Variants in FLACC1 observed in about 807,000 individuals in gnomAD.
FLACC1 encodes flagellum-associated coiled-coil domain-containing protein 1.
In FLACC1, 66 loss-of-function variants were observed where a neutral mutation model predicts 62.8. That is an observed-to-expected ratio of 1.05 (90% CI 0.86 to 1.29). FLACC1 has a LOEUF of 1.29. FLACC1 is among the 50% of genes most tolerant of loss of function. FLACC1 has a pLI of 0.00. For missense variants in FLACC1, 452 were observed against 489.1 expected (o/e 0.92, Z 0.71); for synonymous variants, 156 against 161.0 (o/e 0.97, Z 0.24).
At chr2:201,318,859 C>T (rs973891327) in intron 9 of FLACC1, among the ~76,000 whole-genome samples, 2 of 152,106 alleles carry the variant, frequency 1.3e-5, no homozygotes, top group Admixed American at 6.5e-5. Context: ...AACCAAACAT[C>T]GTATGTTCTC....
At chr2:201,301,514 A>G (rs1949982661) in intron 11 of FLACC1, among the ~76,000 whole-genome samples, 1 of 152,216 alleles carries the variant, frequency 6.6e-6, no homozygotes, top group South Asian at 2.1e-4. Context: ...TCTGCAGGAT[A>G]TTATCCAGGA....
intron 11 of FLACC1, among the ~76,000 whole-genome samples, chr2:201,302,950 T>C (rs993026489): frequency 1.3e-5 from 2 of 152,342 alleles, no homozygotes; most frequent in Non-Finnish European, 2.9e-5. Flanking sequence ...GGGAAATTTA[T>C]AGCACTAAAT....
intron 9 of FLACC1, among the ~76,000 whole-genome samples, chr2:201,313,903 C>T (rs1028205022): frequency 2.6e-5 from 4 of 152,160 alleles, no homozygotes; most frequent in Non-Finnish European, 5.9e-5. Flanking sequence ...TGCAGACAAC[C>T]CCCAATACCA....
rs114669518 is a variant in FLACC1, at chr2:201,339,936, G to A, written c.524+2434C>T. Among the ~76,000 whole-genome samples, 392 of 152,236 alleles carry A rather than the reference G, an allele frequency of 2.6e-3. 4 individuals carry two copies. Among genetic ancestry groups the A allele is most frequent in the African/African-American group, 8.9e-3 (370 of 41,526 alleles). On this transcript the variant is annotated intron_variant, in intron 7 of 14. Coordinates refer to ENST00000392257, the MANE Select transcript of FLACC1 (RefSeq NM_001127391.3). ...GGCAGTGGGTGTGTTGTGGCTGATG[G>A]CAGTAGCAATAGTGGGACAACCCTC...
intron 7 of FLACC1, among the ~76,000 whole-genome samples, chr2:201,333,099 A>AT (rs1950626446): frequency 1.3e-5 from 2 of 152,142 alleles, no homozygotes; most frequent in African/African-American, 4.8e-5. Context: ...ATCATATGGT[A>AT]TTACTATTTT....
chr2:201,312,661 C>T (rs1162163365), intron 9 of FLACC1, among the ~76,000 whole-genome samples: 1 of 152,180 alleles, frequency 6.6e-6, no homozygotes, highest in Non-Finnish European at 1.5e-5. Context: ...CATTACCTGA[C>T]TTCAAAATAT....
chr2:201,294,393 G>A (rs1043500073), intron 12 of FLACC1, among the ~76,000 whole-genome samples: 1 of 152,078 alleles, frequency 6.6e-6, no homozygotes, highest in Non-Finnish European at 1.5e-5. Flanking sequence ...ATGTAATCCA[G>A]CATATAAACC....
chr2:201,289,852 C>A, intron 12 of FLACC1, 67 bp from the exon 13 acceptor site: 1 of 1,611,568 alleles, frequency 6.2e-7, no homozygotes, highest in Non-Finnish European at 8.5e-7. Context: ...TTCTCCAGGG[C>A]ACCTGGACTA....
chr2:201,303,600 A>C (rs1950036547), intron 11 of FLACC1, among the ~76,000 whole-genome samples: 1 of 152,340 alleles, frequency 6.6e-6, no homozygotes, highest in Admixed American at 6.5e-5. Context: ...TCATCCTGAT[A>C]CCAAAGCCTG....
At chr2:201,348,207 G>A (rs1477100669) in intron 4 of FLACC1, 47 bp downstream of exon 4, 12 of 1,570,914 alleles carry the variant, frequency 7.6e-6, no homozygotes, top group Admixed American at 1.7e-5. Context: ...CACATAGTAG[G>A]CACTCAATAA....
chr2:201,350,699 A>AACAAAAAACAAAACAAG lies in FLACC1; in HGVS notation c.185+11_185+12insCTTGTTTTGTTTTTTGT, dbSNP rs1951010330. On this transcript the variant is annotated intron_variant, in intron 3 of 14. Coordinates refer to ENST00000392257, the MANE Select transcript of FLACC1 (RefSeq NM_001127391.3). ...CCATCTCAAAAACAAAACAAAACAA[A>AACAAAAAACAAAACAAG]ACAATACTTACTTTGGGGAAACAAC... is the stretch of plus-strand genomic sequence containing the variant. 4 of 1,610,470 alleles carry AACAAAAAACAAAACAAG rather than the reference A, an allele frequency of 2.5e-6. No individual in the cohort carries two copies. The highest frequency in any genetic ancestry group is 3.4e-6 in the Non-Finnish European group (4 of 1,177,196).
At chr2:201,356,394 A>G (rs1025902366) in intron 1 of FLACC1, among the ~76,000 whole-genome samples, 1 of 152,202 alleles carries the variant, frequency 6.6e-6, no homozygotes, top group African/African-American at 2.4e-5. Flanking sequence ...TCCTGACTTC[A>G]GGTGATCCAC....
At position 201,325,822 on chromosome 2, in the gene FLACC1, A is replaced by G. The variant is rs1164139910; in HGVS notation, c.675+4648T>C. Among the ~76,000 whole-genome samples, 3 of 152,210 alleles carry G rather than the reference A, an allele frequency of 2.0e-5. No individual in the cohort carries two copies. In the East Asian group the frequency reaches 5.8e-4, roughly 29 times the overall value. On this transcript the variant is annotated intron_variant, in intron 9 of 14. Transcript: ENST00000392257. The stretch of plus-strand genomic sequence containing the variant: ...GAGGGAATCCTCTCTAAATCATTCT[A>G]TGCAGCCAGTATCGCCCTGATATCC...
upstream of FLACC1, among the ~76,000 whole-genome samples, chr2:201,361,907 A>G (rs2125633291): frequency 6.6e-6 from 1 of 151,676 alleles, no homozygotes; most frequent in East Asian, 1.9e-4. Flanking sequence ...AACTTCTTAA[A>G]CTAAAGAACA....
intron 9 of FLACC1, among the ~76,000 whole-genome samples, chr2:201,314,287 T>TAAA (rs199685471): frequency 1.5e-4 from 22 of 149,376 alleles, no homozygotes; most frequent in African/African-American, 5.4e-4. Flanking sequence ...TTAAGGAAAT[T>TAAA]TAAAAAAAAA....
intron 1 of FLACC1, among the ~76,000 whole-genome samples, chr2:201,353,115 C>T (rs1951059239): frequency 6.6e-6 from 1 of 152,054 alleles, no homozygotes; most frequent in Non-Finnish European, 1.5e-5. Context: ...AGAACCAGAG[C>T]ATTTGGGAGT....
At chr2:201,319,960 G>A (rs977907484) in intron 9 of FLACC1, among the ~76,000 whole-genome samples, 1 of 152,180 alleles carries the variant, frequency 6.6e-6, no homozygotes, top group Non-Finnish European at 1.5e-5. Context: ...GTGTGAGAAG[G>A]GGGACTCACC....
intron 7 of FLACC1, among the ~76,000 whole-genome samples, chr2:201,337,027 A>T (rs1485683584): frequency 1.7e-5 from 2 of 114,882 alleles, no homozygotes; most frequent in Non-Finnish European, 3.9e-5. Flanking sequence ...TTTACTGTTG[A>T]ATTGTTTGAG....
intron 7 of FLACC1, among the ~76,000 whole-genome samples, chr2:201,332,175 T>G (rs777045074): frequency 6.6e-6 from 1 of 152,156 alleles, no homozygotes; most frequent in South Asian, 2.1e-4. Context: ...AGTGATGTTA[T>G]GATTTATGAA....
Sources: allele counts gnomAD v4.1 joint callset (sites outside exome capture counted in the v4.1 genomes callset), GRCh38; gene constraint gnomAD v4.1.1; transcripts MANE v1.5; gene names NCBI Gene and HGNC (gene_info 2026-07-23, HGNC 2026-07-21).